Variants in DLG2 observed in about 807,000 individuals in gnomAD.
DLG2 encodes the protein discs large MAGUK scaffold protein 2, also known as disks large homolog 2.
In DLG2, 45 loss-of-function variants were observed where a neutral mutation model predicts 132.5. The observed-to-expected ratio is 0.34, with a 90% CI of 0.27 to 0.44. The LOEUF (loss-of-function observed/expected upper bound fraction) is 0.44, where lower values mean the gene tolerates loss of function less well. DLG2 is among the 20% of genes least tolerant of loss of function. The pLI, the probability that DLG2 is intolerant of heterozygous loss-of-function variation, is 1.00. For synonymous variants in DLG2, 424 were observed against 419.6 expected (o/e 1.01, Z -0.13); for missense variants, 1,045 against 1,196.9 (o/e 0.87, Z 1.87).
chr11:84,682,275 G>A (rs1486214359), intron 6 of DLG2, among the ~76,000 whole-genome samples: 3 of 152,206 alleles, frequency 2.0e-5, no homozygotes, highest in Non-Finnish European at 2.9e-5. Context: ...GTGATACTGA[G>A]TAACTCAGTG....
At chr11:84,742,789 T>C (rs909803842) in intron 6 of DLG2, among the ~76,000 whole-genome samples, 1 of 152,138 alleles carries the variant, frequency 6.6e-6, no homozygotes, top group Non-Finnish European at 1.5e-5. Flanking sequence ...AAAAATCCTC[T>C]TTATTTTGCC....
intron 6 of DLG2, among the ~76,000 whole-genome samples, chr11:84,604,949 A>G (rs1383688350): frequency 1.3e-5 from 2 of 151,988 alleles, no homozygotes; most frequent in East Asian, 3.8e-4. Flanking sequence ...TATTTGGTAT[A>G]TATTCTTCTT....
chr11:83,734,366 TC>T (rs2091545522), intron 18 of DLG2, among the ~76,000 whole-genome samples: 6 of 135,510 alleles, frequency 4.4e-5, no homozygotes, highest in Admixed American at 1.4e-4. Flanking sequence ...CTTCCTTCCT[TC>T]CTTCCTTCCT....
At chr11:85,227,966 G>T (rs2075074648) in intron 4 of DLG2, among the ~76,000 whole-genome samples, 2 of 152,046 alleles carry the variant, frequency 1.3e-5, no homozygotes, top group Non-Finnish European at 2.9e-5. Context: ...GCATCAGAAG[G>T]TGGTACCTTA....
At chr11:85,039,114 C>T (rs777652241) in intron 6 of DLG2, among the ~76,000 whole-genome samples, 3 of 151,862 alleles carry the variant, frequency 2.0e-5, no homozygotes, top group Non-Finnish European at 2.9e-5. Flanking sequence ...AGTAGTCAGA[C>T]ATTGTTTATC....
chr11:85,138,943 TC>T (rs1194798188), intron 5 of DLG2, among the ~76,000 whole-genome samples: 5 of 152,048 alleles, frequency 3.3e-5, no homozygotes, highest in African/African-American at 1.2e-4. Context: ...AGTGTTTCAC[TC>T]TAATTCTTCC....
chr11:84,723,096 T>C (rs981886313), intron 6 of DLG2, among the ~76,000 whole-genome samples: 3 of 152,106 alleles, frequency 2.0e-5, no homozygotes, highest in Non-Finnish European at 4.4e-5. Flanking sequence ...TTACGGCTGG[T>C]TTTTCCAAGA....
chr11:85,165,648 A>G (rs1034455429), intron 4 of DLG2, among the ~76,000 whole-genome samples: 22 of 152,196 alleles, frequency 1.4e-4, no homozygotes, highest in Admixed American at 3.9e-4. Context: ...TCTACTTCAT[A>G]GATGGAATGC....
chr11:85,077,703 C>G (rs943008176), intron 6 of DLG2, among the ~76,000 whole-genome samples: 48 of 152,006 alleles, frequency 3.2e-4, no homozygotes, highest in African/African-American at 1.1e-3. Flanking sequence ...AAAGCTGACA[C>G]TATTTTTATC....
At chr11:85,496,031 C>G (rs779792820) in intron 3 of DLG2, among the ~76,000 whole-genome samples, 4 of 152,142 alleles carry the variant, frequency 2.6e-5, no homozygotes, top group Non-Finnish European at 4.4e-5. Flanking sequence ...GTACCTGATT[C>G]ATCTCATTGG....
intron 8 of DLG2, among the ~76,000 whole-genome samples, chr11:84,175,611 A>G (rs996482153): frequency 6.6e-6 from 1 of 152,082 alleles, no homozygotes; most frequent in African/African-American, 2.4e-5. Context: ...CAATTCATCA[A>G]TCAACAAATA....
chr11:83,494,528 G>C (rs1346682683), intron 21 of DLG2, among the ~76,000 whole-genome samples: 7 of 149,656 alleles, frequency 4.7e-5, no homozygotes, highest in Non-Finnish European at 8.9e-5. Flanking sequence ...GTTTATGGCT[G>C]TTTTTTAGGT....
intron 11 of DLG2, among the ~76,000 whole-genome samples, chr11:84,002,485 A>G (rs1017411403): frequency 2.0e-5 from 3 of 152,150 alleles, no homozygotes; most frequent in African/African-American, 4.8e-5. Flanking sequence ...ATCCTCTGAA[A>G]TCGAGGTGGA....
At chr11:84,898,274 C>T (rs183342005) in intron 6 of DLG2, among the ~76,000 whole-genome samples, 5 of 151,976 alleles carry the variant, frequency 3.3e-5, no homozygotes, top group Admixed American at 3.3e-4. Context: ...CAAAAATAGT[C>T]ATTTTGCTTG....
chr11:84,020,403 T>C (rs573638016), intron 11 of DLG2, among the ~76,000 whole-genome samples: 4 of 152,140 alleles, frequency 2.6e-5, no homozygotes, highest in Non-Finnish European at 5.9e-5. Context: ...CTTACATACA[T>C]ACATACAAAC....
At chr11:84,727,827 G>T (rs1240358734) in intron 6 of DLG2, among the ~76,000 whole-genome samples, 1 of 152,120 alleles carries the variant, frequency 6.6e-6, no homozygotes, top group East Asian at 1.9e-4. Context: ...CTTGTAAGTT[G>T]TATTCCTAGG....
chr11:84,180,566 A>C (rs968142857), intron 8 of DLG2, among the ~76,000 whole-genome samples: 5 of 152,114 alleles, frequency 3.3e-5, no homozygotes, highest in Non-Finnish European at 7.4e-5. Flanking sequence ...CAAAGCAAAC[A>C]AACACACAAG....
At chr11:84,759,149 A>ATT (rs1200269137) in intron 6 of DLG2, among the ~76,000 whole-genome samples, 2 of 152,202 alleles carry the variant, frequency 1.3e-5, no homozygotes, top group Non-Finnish European at 1.5e-5. Context: ...AAGTGCTGGG[A>ATT]TTACAGGCTT....
chr11:85,031,643 A>G (rs566755036), intron 6 of DLG2, among the ~76,000 whole-genome samples: 2 of 152,298 alleles, frequency 1.3e-5, no homozygotes, highest in South Asian at 2.1e-4. Flanking sequence ...CAAAAATTAA[A>G]TAAGACCACA....
Sources: gnomAD v4.1 joint callset for allele counts (sites outside exome capture counted in the v4.1 genomes callset) on GRCh38, gnomAD v4.1.1 for gene constraint, MANE v1.5 for transcripts, NCBI Gene and HGNC (gene_info 2026-07-23, HGNC 2026-07-21) for gene names.